XKR4: variants seen among roughly 807,000 people sequenced by gnomAD.
The protein encoded by XKR4 is XK-related protein 4.
Under a neutral mutation model 53.9 loss-of-function variants are expected in XKR4, and 12 were observed. The observed-to-expected ratio is 0.22, with a 90% CI of 0.14 to 0.36. The LOEUF (loss-of-function observed/expected upper bound fraction) is 0.36. Ranked by LOEUF, XKR4 falls within the 10% of genes least tolerant of loss-of-function variation. XKR4 has a pLI of 1.00. For missense variants in XKR4, 799 were observed against 859.5 expected (o/e 0.93, Z 0.88); for synonymous variants, 354 against 362.4 (o/e 0.98, Z 0.26).
intron 1 of XKR4, among the ~76,000 whole-genome samples, chr8:55,237,260 T>A (rs1585958484): frequency 6.6e-6 from 1 of 152,200 alleles, no homozygotes; most frequent in African/African-American, 2.4e-5. Flanking sequence ...CCCCACAAAG[T>A]CAAAAATTCA....
chr8:55,132,361 A>T (rs146760201), intron 1 of XKR4, among the ~76,000 whole-genome samples: 129 of 152,352 alleles, frequency 8.5e-4, no homozygotes, highest in African/African-American at 3.0e-3. Context: ...AGACCCCTTG[A>T]AAGTGTGGAT....
In XKR4 at chr8:55,369,551, GA is replaced by G. The variant is rs1226181303; in HGVS notation, c.1006+11677del. 1.8e-4 allele frequency among the ~76,000 whole-genome samples: 20 copies of G among 114,236 alleles called. 1 individual carries two copies. Among genetic ancestry groups the G allele is most frequent in the Admixed American group, 3.3e-4 (3 of 8,972 alleles). The allele number at this position is 114,236 out of a possible 152,430, so 74.9% of individuals were successfully genotyped here. On this transcript the variant is annotated intron_variant, in intron 2 of 2. Coordinates refer to ENST00000327381, the MANE Select transcript of XKR4 (RefSeq NM_052898.2). Reference sequence around the variant, plus strand: ...AAGGAAGGAGAAAGAGAGAGAGAAAGAAAGGGAAGGAAGGGAGGGAGGGAGG... The same window carrying G: ...AAGGAAGGAGAAAGAGAGAGAGAAAGAAGGGAAGGAAGGGAGGGAGGGAGG...
chr8:55,300,206 A>G (rs1425766333), intron 1 of XKR4, among the ~76,000 whole-genome samples: 3 of 152,146 alleles, frequency 2.0e-5, no homozygotes, highest in Admixed American at 1.3e-4. Context: ...AGTCGCTGAA[A>G]TGATGGATGA....
chr8:55,457,034 G>A (rs556838134), intron 2 of XKR4, among the ~76,000 whole-genome samples: 53 of 150,620 alleles, frequency 3.5e-4, no homozygotes, highest in Middle Eastern at 3.4e-3. Flanking sequence ...AGAAAAAAAT[G>A]ACTCATCAGA....
chr8:55,410,778 TAA>T (rs1209886701), intron 2 of XKR4, among the ~76,000 whole-genome samples: 1 of 152,194 alleles, frequency 6.6e-6, no homozygotes, highest in African/African-American at 2.4e-5. Context: ...CTCTAAAATT[TAA>T]AAGTAGTACC....
intron 2 of XKR4, among the ~76,000 whole-genome samples, chr8:55,368,600 C>T (rs982028536): frequency 6.6e-6 from 1 of 152,192 alleles, no homozygotes; most frequent in African/African-American, 2.4e-5. Flanking sequence ...CCACAGACGC[C>T]CCCATCTACT....
chr8:55,338,509 C>T (rs1803497821), intron 1 of XKR4, among the ~76,000 whole-genome samples: 1 of 152,228 alleles, frequency 6.6e-6, no homozygotes, highest in African/African-American at 2.4e-5. Flanking sequence ...TATCCAATAA[C>T]TCCTCCCATC....
chr8:55,274,122 A>G (rs1466204448), intron 1 of XKR4, among the ~76,000 whole-genome samples: 1 of 152,226 alleles, frequency 6.6e-6, no homozygotes, highest in Non-Finnish European at 1.5e-5. Flanking sequence ...GATAAAGATG[A>G]TTACCAAAAT....
intron 1 of XKR4, among the ~76,000 whole-genome samples, chr8:55,179,661 C>G (rs1471928704): frequency 1.3e-5 from 2 of 152,114 alleles, no homozygotes; most frequent in African/African-American, 4.8e-5. Flanking sequence ...TATGTTCTCG[C>G]TGAGAAATTG....
At position 55,523,889 on chromosome 8, in the gene XKR4, C is replaced by G. The variant is rs151195936; in HGVS notation, c.1615C>G (p.Pro539Ala). 21 of 1,614,076 alleles carry G rather than the reference C, an allele frequency of 1.3e-5. No individual in the cohort carries two copies. The African/African-American group carries it at 2.7e-4, about 21-fold the overall frequency. Residue 539 changes from proline (P) to alanine (A), a missense_variant, in exon 3 of 3, where the codon CCA (proline) becomes GCA (alanine). Around this residue, in one of 3 missense-constraint regions of XKR4, gnomAD observed 269 missense variants for 264.4 expected, o/e 1.02. Transcript: ENST00000327381. ...EDPAAAFTLPPDVATSTLRSI... is the reference protein window; with the variant it reads ...EDPAAAFTLPADVATSTLRSI... ...CCCAGCCGCTGCCTTCACTTTGCCC[C>G]CAGACGTGGCCACAAGCACCCTACG...
At position 55,178,142 on chromosome 8, in the gene XKR4, G is replaced by A. The variant is rs145893876; in HGVS notation, c.806+74848G>A. ...TTGTGTGCATACAAATGGACAAAGC[G>A]ATAAGAAGCATTAGAAGCCTTCTAG... is the stretch of plus-strand genomic sequence containing the variant. On this transcript the variant is annotated intron_variant, in intron 1 of 2. Transcript: ENST00000327381. Among the ~76,000 whole-genome samples, 12 of 152,344 alleles carry A rather than the reference G, an allele frequency of 7.9e-5. 1 individual carries two copies. The highest frequency in any genetic ancestry group is 1.7e-4 in the African/African-American group (7 of 41,586).
At chr8:55,230,959 C>G (rs982347644) in intron 1 of XKR4, among the ~76,000 whole-genome samples, 2 of 152,122 alleles carry the variant, frequency 1.3e-5, no homozygotes, top group Non-Finnish European at 2.9e-5. Flanking sequence ...CCTTCAGCTG[C>G]TCAGTCTGAT....
At chr8:55,308,784 C>T (rs947982925) in intron 1 of XKR4, among the ~76,000 whole-genome samples, 8 of 152,180 alleles carry the variant, frequency 5.3e-5, no homozygotes, top group Non-Finnish European at 1.0e-4. Context: ...AATAATGCCC[C>T]TCTCAAAGAT....
intron 1 of XKR4, among the ~76,000 whole-genome samples, chr8:55,219,476 A>G (rs1426889546): frequency 6.6e-6 from 1 of 152,174 alleles, no homozygotes; most frequent in Non-Finnish European, 1.5e-5. Context: ...AGTCTGTGCC[A>G]GTTCTCTTAA....
intron 1 of XKR4, among the ~76,000 whole-genome samples, chr8:55,155,692 C>T (rs886644963): frequency 5.3e-5 from 8 of 151,774 alleles, no homozygotes; most frequent in African/African-American, 9.7e-5. Context: ...ATCAAACACC[C>T]AGCCTAATAA....
At chr8:55,376,979 G>C (rs572993794) in intron 2 of XKR4, among the ~76,000 whole-genome samples, 3,056 of 88,834 alleles carry the variant, frequency 0.034, 66 homozygotes, top group African/African-American at 0.1. Flanking sequence ...CACACACAGA[G>C]AGAGAGAGAG....
intron 2 of XKR4, among the ~76,000 whole-genome samples, chr8:55,437,276 A>G (rs1024616088): frequency 6.6e-6 from 1 of 152,038 alleles, no homozygotes; most frequent in Non-Finnish European, 1.5e-5. Flanking sequence ...CAAGTCATCT[A>G]TGTTCCTTGG....
intron 2 of XKR4, among the ~76,000 whole-genome samples, chr8:55,504,218 TTTTGTTTTG>T (rs1261106180): frequency 1.3e-5 from 2 of 151,696 alleles, no homozygotes; most frequent in African/African-American, 2.4e-5. Context: ...TTTTGTTTTG[TTTTGTTTTG>T]TTTGAGACAG....
chr8:55,180,462 G>A (rs1481481990), intron 1 of XKR4, among the ~76,000 whole-genome samples: 1 of 152,180 alleles, frequency 6.6e-6, no homozygotes, highest in Admixed American at 6.5e-5. Flanking sequence ...TAGCTCAGGG[G>A]TGTCAGTGTG....
Sources: gnomAD v4.1 joint callset for allele counts (sites outside exome capture counted in the v4.1 genomes callset) on GRCh38, gnomAD v4.1.1 for gene constraint, gnomAD v4.1.1 regional missense constraint, MANE v1.5 for transcripts, NCBI Gene and HGNC (gene_info 2026-07-23, HGNC 2026-07-21) for gene names.